The following STK32B variants were observed in gnomAD, a reference collection of about 807,000 sequenced individuals.
STK32B encodes serine/threonine-protein kinase 32B.
In STK32B, 43 loss-of-function variants were observed where a neutral mutation model predicts 52.6. That is an observed-to-expected ratio of 0.82 (90% confidence interval 0.64 to 1.05). STK32B has a LOEUF of 1.05. STK32B is among the 50% of genes least tolerant of loss of function. STK32B has a pLI of 0.00. For missense variants in STK32B, 621 were observed against 534.6 expected (o/e 1.16, Z -1.59); for synonymous variants, 238 against 204.3 (o/e 1.17, Z -1.41).
chr4:5,288,499 T>A (rs1325583487), intron 3 of STK32B, among the ~76,000 whole-genome samples: 1 of 152,204 alleles, frequency 6.6e-6, no homozygotes, highest in Admixed American at 6.5e-5. Context: ...ATGTTGAACA[T>A]CTTTTCATGG....
At chr4:5,344,894 C>T (rs1209414005) in intron 4 of STK32B, among the ~76,000 whole-genome samples, 1 of 151,950 alleles carries the variant, frequency 6.6e-6, no homozygotes, top group Admixed American at 6.6e-5. Flanking sequence ...CAAGACCAGC[C>T]TGGGCAACAT....
At chr4:5,171,897 GC>G (rs1216736952) in intron 3 of STK32B, among the ~76,000 whole-genome samples, 1 of 151,128 alleles carries the variant, frequency 6.6e-6, no homozygotes, top group East Asian at 2.0e-4. Context: ...ATTACCTTGG[GC>G]AGTATGGCCA....
chr4:5,207,198 C>T (rs536905852), intron 3 of STK32B, among the ~76,000 whole-genome samples: 2 of 152,348 alleles, frequency 1.3e-5, no homozygotes, highest in East Asian at 3.9e-4. Context: ...GAACTGTATT[C>T]CTCTGCATCC....
At chr4:5,136,444 G>A (rs750935312) in intron 1 of STK32B, among the ~76,000 whole-genome samples, 5 of 152,266 alleles carry the variant, frequency 3.3e-5, no homozygotes, top group African/African-American at 4.8e-5. Flanking sequence ...CCTCCAATCC[G>A]ATCACTCTGC....
At chr4:5,256,216 C>T (rs1488160076) in intron 3 of STK32B, among the ~76,000 whole-genome samples, 1 of 152,190 alleles carries the variant, frequency 6.6e-6, no homozygotes, top group Non-Finnish European at 1.5e-5. Context: ...CTGATCACCA[C>T]ATGGCACTTG....
intron 3 of STK32B, among the ~76,000 whole-genome samples, chr4:5,317,096 T>A (rs1401603883): frequency 2.9e-5 from 1 of 34,864 alleles, no homozygotes; most frequent in East Asian, 1.2e-3. Flanking sequence ...ATAATATATA[T>A]GATATAATAT....
At chr4:5,261,244 A>G (rs1263771904) in intron 3 of STK32B, among the ~76,000 whole-genome samples, 1 of 152,174 alleles carries the variant, frequency 6.6e-6, no homozygotes, top group African/African-American at 2.4e-5. Context: ...TGAGGCTTGC[A>G]ACTTATCCTG....
chr4:5,338,988 C>A (rs1333685870), intron 4 of STK32B, among the ~76,000 whole-genome samples: 1 of 152,170 alleles, frequency 6.6e-6, no homozygotes, highest in African/African-American at 2.4e-5. Flanking sequence ...TGGCCCTCCC[C>A]AATGTCGTGG....
At chr4:5,198,456 G>T (rs1721873168) in intron 3 of STK32B, among the ~76,000 whole-genome samples, 1 of 152,110 alleles carries the variant, frequency 6.6e-6, no homozygotes, top group Non-Finnish European at 1.5e-5. Context: ...TTTTTCAGAG[G>T]ATTAATGGTC....
the STK32B span, among the ~76,000 whole-genome samples, chr4:5,022,458 ATGTC>A: frequency 6.6e-6 from 1 of 152,070 alleles, no homozygotes; most frequent in African/African-American, 2.4e-5. Context: ...CTGTTCTCAA[ATGTC>A]TCCTTCACCA....
chr4:5,060,261 C>T lies in STK32B; in HGVS notation c.52+8346C>T, dbSNP rs142382541. ...GATAACAGGTGTGAGCCACTGTGCC[C>T]GGCCAGGACTGTTATTATTGATAAG... On this transcript the variant is annotated intron_variant, in intron 1 of 11. Transcript: ENST00000282908. Among the ~76,000 whole-genome samples the T allele has an allele frequency of 1.8e-3, 270 of 152,246 alleles. 2 individuals carry two copies. In the East Asian group the frequency reaches 0.028, roughly 16 times the overall value.
chr4:5,130,726 G>T (rs952829773), intron 1 of STK32B, among the ~76,000 whole-genome samples: 1 of 152,108 alleles, frequency 6.6e-6, no homozygotes, highest in East Asian at 1.9e-4. Context: ...GCTGAGGCCT[G>T]ACCCATTCCT....
intron 11 of STK32B, among the ~76,000 whole-genome samples, chr4:5,497,516 A>C (rs1720387093): frequency 6.6e-6 from 1 of 152,118 alleles, no homozygotes; most frequent in African/African-American, 2.4e-5. Context: ...CAGTTGCCCT[A>C]CCTGGAGAGC....
In STK32B at chr4:5,460,146, A is replaced by G. The variant is rs1716919771; in HGVS notation, c.827A>G (p.Asp276Gly). 1 of 1,614,058 alleles carries G rather than the reference A, an allele frequency of 6.2e-7. No homozygotes were observed. The highest frequency in any genetic ancestry group is 1.3e-5 in the African/African-American group (1 of 74,918). The part of the protein sequence containing the change: ...DPESRVSSLH[D>G]IQSVPYLADM... The stretch of plus-strand genomic sequence containing the variant: ...GAGAGCCGCGTGTCCAGCCTTCATG[A>G]CATACAGAGCGTGCCCTACTTGGCC... The change falls in exon 9 of 12, where the codon GAC becomes GGC. Residue 276 changes from aspartate (D) to glycine (G), a missense_variant. Transcript: ENST00000282908. The surrounding 1 kb of genome is among the most constrained non-coding windows in gnomAD (Gnocchi z 4.8).
chr4:5,270,984 C>G (rs1415985221), intron 3 of STK32B, among the ~76,000 whole-genome samples: 1 of 151,452 alleles, frequency 6.6e-6, no homozygotes, highest in Non-Finnish European at 1.5e-5. Context: ...GTCACCCAGG[C>G]TGGAGTGCAG....
chr4:5,050,584 C>T (rs1741726803), upstream of STK32B, among the ~76,000 whole-genome samples: 1 of 152,144 alleles, frequency 6.6e-6, no homozygotes, highest in African/African-American at 2.4e-5. Context: ...TGCTTTCTAT[C>T]AAAGCACGGA....
At chr4:5,174,972 C>T (rs1719718035) in intron 3 of STK32B, among the ~76,000 whole-genome samples, 2 of 152,186 alleles carry the variant, frequency 1.3e-5, no homozygotes, top group South Asian at 2.1e-4. Context: ...TTCACATAGT[C>T]CCATATTTCT....
intron 3 of STK32B, among the ~76,000 whole-genome samples, chr4:5,201,118 G>T (rs1722102776): frequency 6.6e-6 from 1 of 152,236 alleles, no homozygotes; most frequent in Admixed American, 6.5e-5. Context: ...GCTCTGATCA[G>T]TTGAATGGGT....
chr4:5,422,083 C>A (rs972093285), intron 6 of STK32B, among the ~76,000 whole-genome samples: 1 of 152,172 alleles, frequency 6.6e-6, no homozygotes, highest in Non-Finnish European at 1.5e-5. Context: ...ATGGAAAAAG[C>A]TTTTCCAATT....
Sources: allele counts gnomAD v4.1 joint callset (sites outside exome capture counted in the v4.1 genomes callset), GRCh38; gene constraint gnomAD v4.1.1; non-coding constraint Gnocchi (gnomAD v3.1); transcripts MANE v1.5; gene names NCBI Gene and HGNC (gene_info 2026-07-23, HGNC 2026-07-21).